FSTL5: variants seen among roughly 807,000 people sequenced by gnomAD.
FSTL5 encodes follistatin-related protein 5.
FSTL5 carries 62 observed loss-of-function variants against 89.1 expected under a neutral mutation model. That is an observed-to-expected ratio of 0.70 (90% CI 0.57 to 0.86). FSTL5 has a LOEUF of 0.86. FSTL5 is among the 40% of genes least tolerant of loss of function. The probability of loss-of-function intolerance (pLI) is 0.00; values close to 1 mark genes in which losing one functional copy is unlikely to be tolerated. For synonymous variants in FSTL5, 383 were observed against 346.2 expected, an observed-to-expected ratio of 1.11 and a Z score of -1.18; for missense variants, 1,057 against 1,001.6, an observed-to-expected ratio of 1.06 and a Z score of -0.75.
At chr4:162,036,350 C>T (rs1236979516) in intron 2 of FSTL5, among the ~76,000 whole-genome samples, 1 of 152,014 alleles carries the variant, frequency 6.6e-6, no homozygotes, top group Non-Finnish European at 1.5e-5. Flanking sequence ...CGTGCATATC[C>T]TTAGTGTCAC....
intron 15 of FSTL5, among the ~76,000 whole-genome samples, chr4:161,445,644 G>T (rs1341690651): frequency 6.6e-6 from 1 of 151,812 alleles, no homozygotes; most frequent in Non-Finnish European, 1.5e-5. Flanking sequence ...ATCTGTTAGT[G>T]GTAAAAGTAT....
chr4:161,835,150 A>ACG, intron 4 of FSTL5, among the ~76,000 whole-genome samples: 1 of 150,146 alleles, frequency 6.7e-6, no homozygotes, highest in African/African-American at 2.5e-5. Context: ...ATAACGCTGC[A>ACG]TATCTACAAC....
chr4:161,813,280 T>C (rs771103610), intron 4 of FSTL5, among the ~76,000 whole-genome samples: 2 of 152,034 alleles, frequency 1.3e-5, no homozygotes, highest in Non-Finnish European at 2.9e-5. Flanking sequence ...CTGCCCGCCT[T>C]GGCCTCCCAA....
intron 4 of FSTL5, among the ~76,000 whole-genome samples, chr4:161,805,268 A>T (rs1398440416): frequency 6.6e-6 from 1 of 152,144 alleles, no homozygotes; most frequent in Non-Finnish European, 1.5e-5. Context: ...AAGAAACAAC[A>T]ACTAAGAAAT....
At chr4:161,910,839 A>G (rs1425418243) in intron 4 of FSTL5, among the ~76,000 whole-genome samples, 1 of 152,200 alleles carries the variant, frequency 6.6e-6, no homozygotes, top group Non-Finnish European at 1.5e-5. Flanking sequence ...GACTACAAGT[A>G]AAAACATTTT....
At chr4:162,089,125 A>G (rs772590546) in intron 2 of FSTL5, among the ~76,000 whole-genome samples, 24 of 152,080 alleles carry the variant, frequency 1.6e-4, no homozygotes, top group Non-Finnish European at 2.9e-4. Context: ...TCACCCTCTC[A>G]TGCTCTCTTG....
rs546805284 is a variant in FSTL5, at chr4:161,913,456, A to G, written c.409+6948T>C. On this transcript the variant is annotated intron_variant, in intron 4 of 15. Transcript: ENST00000306100. Reference sequence around the variant, plus strand: ...GTGCCTTCAGAGGGTAGAAGCCCCAAGCCCTGGCAGCTTCCATGTGGCATT... The same window carrying G: ...GTGCCTTCAGAGGGTAGAAGCCCCAGGCCCTGGCAGCTTCCATGTGGCATT... Among the ~76,000 whole-genome samples, 7 of 152,330 alleles carry G rather than the reference A, an allele frequency of 4.6e-5. No homozygotes were observed. In the South Asian group the frequency reaches 1.2e-3, roughly 27 times the overall value.
intron 4 of FSTL5, among the ~76,000 whole-genome samples, chr4:161,849,380 G>A (rs919015514): frequency 6.6e-6 from 1 of 151,912 alleles, no homozygotes; most frequent in Non-Finnish European, 1.5e-5. Flanking sequence ...CAACAGCATG[G>A]AAGCTATTCA....
At chr4:161,940,726 T>G (rs1259600166) in intron 3 of FSTL5, among the ~76,000 whole-genome samples, 1 of 151,846 alleles carries the variant, frequency 6.6e-6, no homozygotes, top group Non-Finnish European at 1.5e-5. Context: ...TGTGTAAGTT[T>G]GATGCTAGTA....
At chr4:162,080,762 T>A (rs2111332581) in intron 2 of FSTL5, among the ~76,000 whole-genome samples, 1 of 151,696 alleles carries the variant, frequency 6.6e-6, no homozygotes, top group Admixed American at 6.6e-5. Flanking sequence ...CATGTGTTCT[T>A]TTTCTTATTG....
intron 3 of FSTL5, among the ~76,000 whole-genome samples, chr4:161,923,866 C>CA (rs1485454699): frequency 6.6e-6 from 1 of 151,778 alleles, no homozygotes; most frequent in African/African-American, 2.4e-5. Context: ...CTATTTTACA[C>CA]TAGCTAGAAG....
intron 15 of FSTL5, among the ~76,000 whole-genome samples, chr4:161,419,400 G>A (rs997792392): frequency 2.0e-5 from 3 of 152,044 alleles, no homozygotes; most frequent in East Asian, 3.9e-4. Flanking sequence ...AATGTAGTGG[G>A]ATAAGCAGGC....
chr4:162,007,090 C>G (rs1376152107), intron 3 of FSTL5, among the ~76,000 whole-genome samples: 1 of 151,636 alleles, frequency 6.6e-6, no homozygotes, highest in Non-Finnish European at 1.5e-5. Context: ...TCCACAATTA[C>G]CAGGAATTCA....
rs547814400 is a variant in FSTL5, at chr4:161,745,795, A to C, written c.727+13616T>G. On this transcript the variant is annotated intron_variant, in intron 6 of 15. Coordinates refer to ENST00000306100, the MANE Select transcript of FSTL5 (RefSeq NM_020116.5). ...AGCTGTCACCTATGTCATTTTCAGAATGCTAATATAGATAGTTCTTACAAA... is the reference window on the plus strand; with the variant it reads ...AGCTGTCACCTATGTCATTTTCAGACTGCTAATATAGATAGTTCTTACAAA... 1.3e-4 allele frequency among the ~76,000 whole-genome samples: 20 copies of C among 152,210 alleles called. No homozygotes were observed. The East Asian group carries it at 3.9e-3, about 29-fold the overall frequency.
intron 7 of FSTL5, among the ~76,000 whole-genome samples, chr4:161,640,884 A>G (rs1447138655): frequency 6.6e-6 from 1 of 152,222 alleles, no homozygotes; most frequent in Non-Finnish European, 1.5e-5. Context: ...AGAGCCAAAG[A>G]GAGAATTTTG....
intron 2 of FSTL5, among the ~76,000 whole-genome samples, chr4:162,105,135 G>A (rs1005560192): frequency 8.5e-5 from 13 of 152,070 alleles, no homozygotes; most frequent in African/African-American, 3.1e-4. Flanking sequence ...ACAACTTGAT[G>A]TTTCATATGC....
intron 1 of FSTL5, among the ~76,000 whole-genome samples, chr4:162,145,496 A>G (rs1401507759): frequency 6.6e-6 from 1 of 152,110 alleles, no homozygotes; most frequent in Non-Finnish European, 1.5e-5. Flanking sequence ...TATGCACTGA[A>G]GGTTGGCAAG....
intron 7 of FSTL5, among the ~76,000 whole-genome samples, chr4:161,654,982 A>G (rs1331654006): frequency 1.3e-5 from 2 of 152,152 alleles, no homozygotes; most frequent in Non-Finnish European, 2.9e-5. Flanking sequence ...ACTTTATTGA[A>G]CTGAATTTAA....
intron 2 of FSTL5, among the ~76,000 whole-genome samples, chr4:162,076,827 C>T (rs1371024383): frequency 6.6e-6 from 1 of 151,594 alleles, no homozygotes; most frequent in East Asian, 1.9e-4. Flanking sequence ...GCTGATGTAT[C>T]AAAAAAATCG....
Sources: gnomAD v4.1 joint callset for allele counts (sites outside exome capture counted in the v4.1 genomes callset) on GRCh38, gnomAD v4.1.1 for gene constraint, MANE v1.5 for transcripts, NCBI Gene and HGNC (gene_info 2026-07-23, HGNC 2026-07-21) for gene names.